Variants in MAGI2 observed in about 807,000 individuals in gnomAD.
MAGI2 encodes membrane associated guanylate kinase, WW and PDZ domain containing 2.
Under a neutral mutation model 133.3 loss-of-function variants are expected in MAGI2, and 35 were observed. The observed-to-expected ratio is 0.26, with a 90% CI of 0.20 to 0.35. The LOEUF (loss-of-function observed/expected upper bound fraction) is 0.35, where lower values mean the gene tolerates loss of function less well. MAGI2 is among the 10% of genes least tolerant of loss of function. MAGI2 has a pLI of 1.00. For synonymous variants in MAGI2, 729 were observed against 710.6 expected (o/e 1.03, Z -0.41); for missense variants, 1,636 against 1,863.4 (o/e 0.88, Z 2.25).
At chr7:78,740,694 ACT>A (rs1397043193) in intron 2 of MAGI2, among the ~76,000 whole-genome samples, 2 of 151,964 alleles carry the variant, frequency 1.3e-5, no homozygotes, top group Non-Finnish European at 2.9e-5. Flanking sequence ...TTCAGACCAG[ACT>A]CTTTTTGCTC....
chr7:78,861,368 T>C (rs1794146610), intron 2 of MAGI2, among the ~76,000 whole-genome samples: 1 of 152,226 alleles, frequency 6.6e-6, no homozygotes, highest in Non-Finnish European at 1.5e-5. Context: ...ACCTCTCCTG[T>C]AGAATTTTAC....
chr7:78,389,517 G>A (rs1311782787), intron 6 of MAGI2, among the ~76,000 whole-genome samples: 3 of 152,222 alleles, frequency 2.0e-5, no homozygotes, highest in East Asian at 3.8e-4. Context: ...GAGATGATGT[G>A]TCCGCTGTGG....
intron 21 of MAGI2, among the ~76,000 whole-genome samples, chr7:78,032,877 C>T (rs185824620): frequency 6.6e-6 from 1 of 152,192 alleles, no homozygotes; most frequent in Admixed American, 6.5e-5. Context: ...GAGGGCTTGA[C>T]ATGTTCAAGG....
chr7:78,674,757 G>A (rs1455285288), intron 2 of MAGI2, among the ~76,000 whole-genome samples: 1 of 152,218 alleles, frequency 6.6e-6, no homozygotes, highest in Admixed American at 6.5e-5. Context: ...AGGCCCAAGA[G>A]AGCCTATTTT....
In MAGI2 at chr7:79,204,085, C is replaced by T. The variant is rs575307776; in HGVS notation, c.302-196879G>A. Among the ~76,000 whole-genome samples the T allele has an allele frequency of 1.5e-3, 233 of 152,176 alleles. 7 individuals carry two copies. Among genetic ancestry groups the T allele is most frequent in the Admixed American group, 0.015 (228 of 15,298 alleles). ...CCACAGCACAGAGAGAGATACAGTT[C>T]ACATGGTGGGAAAAGAGATGTGAGT... On this transcript the variant is annotated intron_variant, in intron 1 of 21. Coordinates refer to ENST00000354212, the MANE Select transcript of MAGI2 (RefSeq NM_012301.4).
chr7:79,431,133 T>A (rs936498544), intron 1 of MAGI2, among the ~76,000 whole-genome samples: 1 of 152,150 alleles, frequency 6.6e-6, no homozygotes, highest in African/African-American at 2.4e-5. Flanking sequence ...GCAACTCAAG[T>A]AATACTAAAT....
chr7:78,445,868 ATTTT>A (rs999441504), intron 6 of MAGI2, among the ~76,000 whole-genome samples: 2 of 151,646 alleles, frequency 1.3e-5, no homozygotes, highest in Admixed American at 6.6e-5. Flanking sequence ...TCTTCATACA[ATTTT>A]TTTCTTTTTG....
At chr7:79,265,497 T>C (rs1349353678) in intron 1 of MAGI2, among the ~76,000 whole-genome samples, 2 of 152,286 alleles carry the variant, frequency 1.3e-5, no homozygotes, top group Admixed American at 1.3e-4. Context: ...TTTTTTGGTG[T>C]TGGTTTGTGT....
intron 1 of MAGI2, among the ~76,000 whole-genome samples, chr7:79,451,475 T>C (rs1423782971): frequency 1.3e-5 from 2 of 152,196 alleles, no homozygotes; most frequent in Non-Finnish European, 2.9e-5. Flanking sequence ...TTTTCCTTCC[T>C]ACCAAACTCA....
At chr7:79,427,565 A>T (rs957648321) in intron 1 of MAGI2, among the ~76,000 whole-genome samples, 6 of 152,084 alleles carry the variant, frequency 3.9e-5, no homozygotes, top group African/African-American at 1.4e-4. Context: ...AGCAGGCAAA[A>T]CTCAGACAAT....
At chr7:79,209,709 T>C (rs1467812683) in intron 1 of MAGI2, among the ~76,000 whole-genome samples, 2 of 152,084 alleles carry the variant, frequency 1.3e-5, no homozygotes, top group African/African-American at 4.8e-5. Flanking sequence ...TTCTGTATAT[T>C]GTGAACACAA....
At chr7:79,397,008 AC>A (rs1450007066) in intron 1 of MAGI2, among the ~76,000 whole-genome samples, 1 of 151,852 alleles carries the variant, frequency 6.6e-6, no homozygotes, top group Non-Finnish European at 1.5e-5. Flanking sequence ...TTATATCCCC[AC>A]TAAAAATGCA....
At chr7:78,091,639 C>A (rs983260321) in intron 20 of MAGI2, among the ~76,000 whole-genome samples, 1 of 152,154 alleles carries the variant, frequency 6.6e-6, no homozygotes, top group Non-Finnish European at 1.5e-5. Flanking sequence ...GATCTCATAG[C>A]TTATAAGTGG....
intron 4 of MAGI2, among the ~76,000 whole-genome samples, chr7:78,515,887 G>T (rs1458853868): frequency 6.6e-6 from 1 of 151,774 alleles, no homozygotes; most frequent in Non-Finnish European, 1.5e-5. Flanking sequence ...CAACAAGAGT[G>T]AAACTCTATC....
In MAGI2 at chr7:78,616,265, C is replaced by T. The variant is rs555065487; in HGVS notation, c.538+10855G>A. 19 of 152,268 alleles carry T rather than the reference C, an allele frequency of 1.2e-4. 1 individual carries two copies. In the South Asian group the frequency reaches 2.9e-3, roughly 23 times the overall value. The allele number at this position is 152,268 out of a possible 1,614,324, so 9.4% of individuals were successfully genotyped here. The stretch of plus-strand genomic sequence containing the variant: ...CTTTCTACCTCTTTCATACGTTTAA[C>T]CTCATTACTTTTTTTCTCTAACTCT... On this transcript the variant is annotated intron_variant, in intron 3 of 21. Coordinates refer to ENST00000354212, the MANE Select transcript of MAGI2 (RefSeq NM_012301.4).
At chr7:79,223,387 A>G (rs1314970616) in intron 1 of MAGI2, among the ~76,000 whole-genome samples, 2 of 152,052 alleles carry the variant, frequency 1.3e-5, no homozygotes, top group East Asian at 3.8e-4. Flanking sequence ...TTCATTATGC[A>G]TGTCTAGAGA....
intron 2 of MAGI2, among the ~76,000 whole-genome samples, chr7:78,674,259 T>C (rs112243336): frequency 3.3e-5 from 5 of 151,712 alleles, no homozygotes; most frequent in African/African-American, 1.2e-4. Context: ...CACCTGATCA[T>C]GCAGCAGAGT....
chr7:78,103,557 C>T (rs1818391677), intron 20 of MAGI2, among the ~76,000 whole-genome samples: 1 of 152,186 alleles, frequency 6.6e-6, no homozygotes, highest in Admixed American at 6.5e-5. Flanking sequence ...GGTAGGTATG[C>T]ATTGACCTTT....
intron 1 of MAGI2, among the ~76,000 whole-genome samples, chr7:79,324,586 A>ATG (rs1839478739): frequency 2.0e-5 from 1 of 50,298 alleles, no homozygotes; most frequent in African/African-American, 7.1e-5. Context: ...TACACCATAT[A>ATG]TATATAACAA....
Sources: allele counts gnomAD v4.1 joint callset (sites outside exome capture counted in the v4.1 genomes callset), GRCh38; gene constraint gnomAD v4.1.1; transcripts MANE v1.5; gene names NCBI Gene and HGNC (gene_info 2026-07-23, HGNC 2026-07-21).